PTCH1: variants seen among roughly 807,000 people sequenced by gnomAD.
The protein encoded by PTCH1 is patched 1.
A neutral mutation model predicts 144.6 loss-of-function variants in PTCH1; 14 were observed. The observed-to-expected ratio is 0.10, with a 90% CI of 0.06 to 0.15. PTCH1 has a LOEUF of 0.15. PTCH1 is among the 10% of genes least tolerant of loss of function. The pLI is 1.00. For synonymous variants in PTCH1, 833 were observed against 793.6 expected (o/e 1.05, Z -0.83); for missense variants, 1,623 against 1,948.3 (o/e 0.83, Z 3.14).
Position 95,447,150 on chromosome 9 carries a change from G to A in PTCH1, c.4106C>T (p.Thr1369Ile), listed in dbSNP as rs762925808. Residue 1369 changes from threonine (T) to isoleucine (I), a missense_variant, in exon 23 of 24, where the codon ACC (threonine) becomes ATC (isoleucine). Thr to Ile is a moderately conservative substitution (Grantham distance 89). Coordinates refer to ENST00000331920, the MANE Select transcript of PTCH1 (RefSeq NM_000264.5). The part of the protein sequence containing the change: ...SSVPGYCQPI[T>I]TVTASASVTV... ...CACGGAGGCAGAAGCCGTCACAGTG[G>A]TGATGGGCTGGCAGTAGCCGGGCAC... The A allele has an allele frequency of 6.2e-7, 1 of 1,613,290 alleles. No individual in the cohort carries two copies. Among genetic ancestry groups the A allele is most frequent in the South Asian group, 1.1e-5 (1 of 91,082 alleles).
chr9:95,480,243 A>G, intron 6 of PTCH1, 147 bp downstream of exon 6: 2 of 1,517,326 alleles, frequency 1.3e-6, no homozygotes, highest in Non-Finnish European at 1.8e-6. Context: ...AGCAAAATTT[A>G]GCTCTATAAA....
intron 12 of PTCH1, among the ~76,000 whole-genome samples, chr9:95,470,673 A>G (rs1201978406): frequency 6.6e-6 from 1 of 152,212 alleles, no homozygotes; most frequent in Admixed American, 6.5e-5. Flanking sequence ...AAGCCAACAG[A>G]AGCCGGTGGA....
At chr9:95,457,985 T>C (rs1218033793) in intron 18 of PTCH1, 28 bp downstream of exon 18, 2 of 1,613,822 alleles carry the variant, frequency 1.2e-6, no homozygotes, top group Non-Finnish European at 8.5e-7. Context: ...GAATTTGACT[T>C]CCACAAAGCC....
chr9:95,516,239 G>A (rs1844357399), intron 1 of PTCH1, among the ~76,000 whole-genome samples: 1 of 148,556 alleles, frequency 6.7e-6, no homozygotes, highest in African/African-American at 2.4e-5. Context: ...CGGGGGCCCG[G>A]GCGTGCGAGC....
At chr9:95,479,528 C>T (rs1037034796) in intron 7 of PTCH1, among the ~76,000 whole-genome samples, 3 of 152,168 alleles carry the variant, frequency 2.0e-5, no homozygotes, top group Non-Finnish European at 4.4e-5. Flanking sequence ...AAATCTTACA[C>T]GAAACGCCAG....
chr9:95,476,210 T>G lies in PTCH1; in HGVS notation c.1603-51A>C. 6.3e-7 allele frequency: 1 copy of G among 1,590,282 alleles called. No individual in the cohort carries two copies. Among genetic ancestry groups the G allele is most frequent in the Non-Finnish European group, 8.5e-7 (1 of 1,170,648 alleles). ...AGAGCTGCACTGGACATGGTCCCCTTGGAGCACAGACTGTGTGAGCAGATA... is the reference window on the plus strand; with the variant it reads ...AGAGCTGCACTGGACATGGTCCCCTGGGAGCACAGACTGTGTGAGCAGATA... On this transcript the variant is annotated intron_variant, in intron 11 of 23. Coordinates refer to ENST00000331920, the MANE Select transcript of PTCH1 (RefSeq NM_000264.5). This position sits in a 1 kb window ranked among gnomAD's most constrained non-coding sequence, Gnocchi z 4.6.
At chr9:95,516,738 C>T (rs199948834) in exon 1 of PTCH1, 3 of 1,613,390 alleles carry the variant, frequency 1.9e-6, no homozygotes, top group South Asian at 1.1e-5. Context: ...GTAAAAACCC[C>T]GGCGCGCTGG....
intron 2 of PTCH1, among the ~76,000 whole-genome samples, chr9:95,487,450 C>T (rs552679775): frequency 2.9e-4 from 44 of 152,344 alleles, no homozygotes; most frequent in Non-Finnish European, 4.9e-4. Flanking sequence ...TCTACCTACT[C>T]GGCTGGCCTT....
At position 95,469,957 on chromosome 9, in the gene PTCH1, G is replaced by A. The variant is rs1381147064; in HGVS notation, c.1729-26C>T. ...CTGGGAGCAGAAAAAAAATTCAGAG[G>A]TCACCAACATGCCTCCGCCCAATCA... On this transcript the variant is annotated intron_variant, in intron 12 of 23. Coordinates refer to ENST00000331920, the MANE Select transcript of PTCH1 (RefSeq NM_000264.5). The A allele has an allele frequency of 3.9e-6, 6 of 1,541,254 alleles. No homozygotes were observed. The South Asian group carries it at 6.7e-5, about 17-fold the overall frequency.
chr9:95,508,146 G>C lies in PTCH1; in HGVS notation c.201+15C>G, dbSNP rs1377126035. ...GGAGGGAAGAGAAAGTGGGAGGAGA[G>C]AGTCTGAAATGCACCTTGGAAATCT... On this transcript the variant is annotated intron_variant, in intron 1 of 23. Coordinates refer to ENST00000331920, the MANE Select transcript of PTCH1 (RefSeq NM_000264.5). The C allele has an allele frequency of 6.2e-7, 1 of 1,612,382 alleles. No individual in the cohort carries two copies. Among genetic ancestry groups the C allele is most frequent in the Non-Finnish European group, 8.5e-7 (1 of 1,179,628 alleles).
chr9:95,468,846 T>C lies in PTCH1; in HGVS notation c.2155A>G (p.Ser719Gly). The change falls in exon 14 of 24, where the codon AGC becomes GGC. Residue 719 changes from serine to glycine, a missense_variant. Physicochemically the swap from Ser to Gly is moderately conservative, Grantham distance 56. Coordinates refer to ENST00000331920, the MANE Select transcript of PTCH1 (RefSeq NM_000264.5). ...RDLLSQFSDS[S>G]LHCLEPPCTK... ...CAGGGGGGCTCGAGGCAGTGGAGGC[T>C]GGAGTCGGAGAACTGGGAGAGCAGG... 1.2e-6 allele frequency: 2 copies of C among 1,614,058 alleles called. No homozygotes were observed. The highest frequency in any genetic ancestry group is 1.7e-5 in the Admixed American group (1 of 60,012).
In PTCH1 at chr9:95,446,407, A is replaced by G. The variant is rs1483484129; in HGVS notation, c.*2-16T>C. On this transcript the variant is annotated splice_polypyrimidine_tract_variant and intron_variant, in intron 23 of 23. Transcript: ENST00000331920. ...TTTAATCACCCTTTAAAAGGAAGCAAAAAAGGAAGTTGAACAGAGTAAGAG... is the reference window on the plus strand; with the variant it reads ...TTTAATCACCCTTTAAAAGGAAGCAGAAAAGGAAGTTGAACAGAGTAAGAG... 1.9e-6 allele frequency: 1 copy of G among 518,684 alleles called. No homozygotes were observed. Among genetic ancestry groups the G allele is most frequent in the Non-Finnish European group, 3.8e-6 (1 of 259,954 alleles). 32.1% of individuals were successfully genotyped at this position (518,684 alleles called of 1,614,324 possible). A position where few individuals can be genotyped will look rare whatever the true frequency, so the allele number is the denominator to read the frequency against.
In PTCH1 at chr9:95,447,001, G is replaced by T. The variant is rs139942632; in HGVS notation, c.4255C>A (p.Arg1419=). 36 of 1,614,054 alleles carry T rather than the reference G, an allele frequency of 2.2e-5. No homozygotes were observed. Among genetic ancestry groups the T allele is most frequent in the Non-Finnish European group, 2.9e-5 (34 of 1,180,034 alleles). The change falls in exon 23 of 24, where the codon CGG becomes AGG. Residue 1419 remains arginine (R), a synonymous_variant. Coordinates refer to ENST00000331920, the MANE Select transcript of PTCH1 (RefSeq NM_000264.5). ...ACCTTCGAATCCCTCCTCTCACACC[G>T]GACGTGGAAAGGCACGTGGGGGTCC... The part of the protein sequence containing the change: ...FEDPHVPFHV[R]CERRDSKVEV...
Position 95,506,390 on chromosome 9 carries a change from G to A in PTCH1, c.394+17C>T, listed in dbSNP as rs1331369576. 1 of 1,606,624 alleles carries A rather than the reference G, an allele frequency of 6.2e-7. No individual in the cohort carries two copies. Among genetic ancestry groups the A allele is most frequent in the South Asian group, 1.1e-5 (1 of 90,400 alleles). On this transcript the variant is annotated intron_variant, in intron 2 of 23. Coordinates refer to ENST00000331920, the MANE Select transcript of PTCH1 (RefSeq NM_000264.5). ...GGACCGGGCCGGGGGCGCGGGCGCC[G>A]CGGCGGGCGCTCTTACCTTCCACCC...
intron 5 of PTCH1, 21 bp from the exon 6 acceptor site, chr9:95,480,609 C>A (rs764817185): frequency 6.2e-7 from 1 of 1,605,096 alleles, no homozygotes; most frequent in Non-Finnish European, 8.5e-7. Flanking sequence ...AATTAGGAGA[C>A]GAGACCATGA....
intron 12 of PTCH1, among the ~76,000 whole-genome samples, chr9:95,474,455 T>C (rs1840861732): frequency 6.6e-6 from 1 of 152,232 alleles, no homozygotes; most frequent in Non-Finnish European, 1.5e-5. Context: ...AGAGTTTCCT[T>C]GTCCTGTGCT....
At position 95,508,239 on chromosome 9, in the gene PTCH1, A is replaced by G. The variant is rs368070922; in HGVS notation, c.123T>C (p.Arg41=). ...GATAGTCCCGGTCCGGCGCGGCAGC[A>G]CGGCGCAGCCCCCCCGTCCGTCTGC... is the stretch of plus-strand genomic sequence containing the variant. The part of the protein sequence containing the change: ...GRRRRTGGLR[R]AAAPDRDYLH... Residue 41 remains arginine (R), a synonymous_variant, in exon 1 of 24, where the codon CGT becomes CGC. Coordinates refer to ENST00000331920, the MANE Select transcript of PTCH1 (RefSeq NM_000264.5). 36 of 1,608,442 alleles carry G rather than the reference A, an allele frequency of 2.2e-5. No homozygotes were observed. The highest frequency in any genetic ancestry group is 6.7e-5 in the Admixed American group (4 of 59,878).
chr9:95,479,225 C>T, intron 7 of PTCH1, 78 bp from the exon 8 acceptor site: 6 of 1,568,096 alleles, frequency 3.8e-6, no homozygotes, highest in Non-Finnish European at 4.4e-6. Flanking sequence ...CCCCAGCCAG[C>T]TCCCCCAACT....
intron 15 of PTCH1, among the ~76,000 whole-genome samples, chr9:95,466,698 G>A (rs750143821): frequency 4.6e-5 from 7 of 152,182 alleles, no homozygotes; most frequent in Non-Finnish European, 8.8e-5. Flanking sequence ...GTAAGACTAT[G>A]TCCACTGCTT....
Sources: gnomAD v4.1 joint callset for allele counts (sites outside exome capture counted in the v4.1 genomes callset) on GRCh38, gnomAD v4.1.1 for gene constraint, Gnocchi (gnomAD v3.1) non-coding constraint, MANE v1.5 for transcripts, NCBI Gene and HGNC (gene_info 2026-07-23, HGNC 2026-07-21) for gene names.